MEGF11: variants seen among roughly 807,000 people sequenced by gnomAD.
MEGF11 encodes the protein multiple epidermal growth factor-like domains protein 11.
A neutral mutation model predicts 146.6 loss-of-function variants in MEGF11; 126 were observed. The observed-to-expected ratio is 0.86, with a 90% CI of 0.74 to 1.00. MEGF11 has a LOEUF of 1.00. Ranked by LOEUF, MEGF11 falls within the 50% of genes least tolerant of loss-of-function variation. The pLI, the probability that MEGF11 is intolerant of heterozygous loss-of-function variation, is 0.00. For missense variants in MEGF11, 1,509 were observed against 1,521.2 expected, an observed-to-expected ratio of 0.99 and a Z score of 0.13; for synonymous variants, 532 against 583.4, an observed-to-expected ratio of 0.91 and a Z score of 1.27.
chr15:65,983,097 G>T (rs566148752), intron 5 of MEGF11, among the ~76,000 whole-genome samples: 1 of 152,142 alleles, frequency 6.6e-6, no homozygotes, highest in East Asian at 1.9e-4. Flanking sequence ...CCATCTCCCT[G>T]TCACCCTTTT....
At chr15:65,954,398 G>A (rs1259640662) in intron 10 of MEGF11, among the ~76,000 whole-genome samples, 1 of 152,182 alleles carries the variant, frequency 6.6e-6, no homozygotes, top group Non-Finnish European at 1.5e-5. Flanking sequence ...GCTGGAGTGA[G>A]GACAAGAGTA....
chr15:66,042,761 C>A (rs1237209986), intron 5 of MEGF11, among the ~76,000 whole-genome samples: 1 of 152,324 alleles, frequency 6.6e-6, no homozygotes, highest in East Asian at 1.9e-4. Context: ...GCAGGCTCCG[C>A]TTTGGCCACC....
intron 4 of MEGF11, among the ~76,000 whole-genome samples, chr15:66,100,566 G>A (rs1365392920): frequency 1.3e-5 from 2 of 152,104 alleles, no homozygotes; most frequent in African/African-American, 4.8e-5. Flanking sequence ...TGTGAAACAT[G>A]GACAATGGTC....
intron 5 of MEGF11, among the ~76,000 whole-genome samples, chr15:66,072,573 GATACAGATTTATTAA>G (rs1310126719): frequency 1.1e-4 from 16 of 152,184 alleles, no homozygotes; most frequent in African/African-American, 3.9e-4. Flanking sequence ...GTAGGCCTCT[GATACAGATTTATTAA>G]ATAAGTGACA....
intron 1 of MEGF11, among the ~76,000 whole-genome samples, chr15:66,220,825 C>G (rs894978512): frequency 6.6e-5 from 10 of 152,116 alleles, no homozygotes; most frequent in African/African-American, 2.2e-4. Context: ...GCATGTGCTA[C>G]CATGCCCAGC....
Position 65,980,792 on chromosome 15 carries a change from G to T in MEGF11, c.748C>A (p.Pro250Thr). ...CHHITGECACPPGWTGAVCAQ... is the reference protein window; with the variant it reads ...CHHITGECACTPGWTGAVCAQ... The stretch of plus-strand genomic sequence containing the variant: ...GGCCCACTTACCGTCCAGCCTGGGG[G>T]GCAGGCACACTCGCCAGTGATGTGG... Residue 250 changes from proline to threonine, a missense_variant, in exon 7 of 26, where the codon CCC becomes ACC. Pro to Thr is a conservative substitution (Grantham distance 38). Transcript: ENST00000395614. The T allele has an allele frequency of 6.2e-7, 1 of 1,606,112 alleles. No homozygotes were observed. The highest frequency in any genetic ancestry group is 8.5e-7 in the Non-Finnish European group (1 of 1,176,546).
At chr15:66,008,104 G>T (rs1179775303) in intron 5 of MEGF11, among the ~76,000 whole-genome samples, 2 of 152,280 alleles carry the variant, frequency 1.3e-5, no homozygotes, top group African/African-American at 4.8e-5. Flanking sequence ...AGAGGCTGTT[G>T]AGGTAACAGG....
At chr15:66,014,374 T>C (rs1194718977) in intron 5 of MEGF11, among the ~76,000 whole-genome samples, 1 of 152,192 alleles carries the variant, frequency 6.6e-6, no homozygotes, top group Non-Finnish European at 1.5e-5. Context: ...TTCGATCCAG[T>C]ATACAGGAGA....
At chr15:66,124,042 G>A in intron 2 of MEGF11, 42 bp from the exon 3 acceptor site, 1 of 1,509,772 alleles carries the variant, frequency 6.6e-7, no homozygotes, top group Non-Finnish European at 9.2e-7. Context: ...TTAGCACTTG[G>A]GAAGCTGAGC....
intron 10 of MEGF11, among the ~76,000 whole-genome samples, chr15:65,956,046 C>T (rs1470170985): frequency 6.6e-6 from 1 of 152,054 alleles, no homozygotes; most frequent in African/African-American, 2.4e-5. Flanking sequence ...GCTTGATCTA[C>T]AAGAATTCCC....
rs2084549697 is a variant in MEGF11, at chr15:66,053,714, A to ATTTTTTTTTTT, written c.394+40687_394+40688insAAAAAAAAAAA. Among the ~76,000 whole-genome samples the ATTTTTTTTTTT allele has an allele frequency of 2.4e-4, 10 of 42,268 alleles. 5 individuals carry two copies. The highest frequency in any genetic ancestry group is 2.6e-4 in the Non-Finnish European group (4 of 15,512). The allele number at this position is 42,268 out of a possible 152,430, so 27.7% of individuals were successfully genotyped here. ...ACTCAGCTCCCCCTCCCCTGGCACC[A>ATTTTTTTTTTT]ATTTTTTTTTTTTTTTTTTTTTTTT... On this transcript the variant is annotated intron_variant, in intron 5 of 25. Transcript: ENST00000395614.
At chr15:66,042,528 G>GA (rs1333234526) in intron 5 of MEGF11, among the ~76,000 whole-genome samples, 1 of 151,966 alleles carries the variant, frequency 6.6e-6, no homozygotes, top group Non-Finnish European at 1.5e-5. Flanking sequence ...CACTGGGGGG[G>GA]AACATATCAG....
intron 7 of MEGF11, among the ~76,000 whole-genome samples, chr15:65,978,741 G>GA (rs1210322795): frequency 2.0e-5 from 3 of 152,084 alleles, no homozygotes; most frequent in Non-Finnish European, 2.9e-5. Context: ...GGTTCAGGGT[G>GA]GAAGAAAAGG....
chr15:65,983,860 G>A (rs1441219930), intron 5 of MEGF11, among the ~76,000 whole-genome samples: 2 of 152,196 alleles, frequency 1.3e-5, no homozygotes. Context: ...GCGTTCAAGT[G>A]TTGGGCGTGT....
At chr15:65,928,942 G>A (rs542926778) in intron 12 of MEGF11, among the ~76,000 whole-genome samples, 2 of 152,164 alleles carry the variant, frequency 1.3e-5, no homozygotes, top group South Asian at 2.1e-4. Flanking sequence ...ATTCTTTGTT[G>A]CCGGGGAAGA....
At chr15:66,082,974 C>CCCAGGCCCCCAT (rs1472330428) in intron 5 of MEGF11, among the ~76,000 whole-genome samples, 5 of 152,172 alleles carry the variant, frequency 3.3e-5, no homozygotes, top group African/African-American at 1.2e-4. Flanking sequence ...GGGGCAGGGA[C>CCCAGGCCCCCAT]CCAGGCCCCC....
chr15:66,169,254 G>T (rs2090180662), intron 1 of MEGF11, among the ~76,000 whole-genome samples: 1 of 152,224 alleles, frequency 6.6e-6, no homozygotes, highest in Admixed American at 6.5e-5. Context: ...AGGCTGCCCA[G>T]TCTGATTTCA....
chr15:65,901,570 A>G (rs1187352120), intron 24 of MEGF11, among the ~76,000 whole-genome samples: 1 of 151,956 alleles, frequency 6.6e-6, no homozygotes, highest in Non-Finnish European at 1.5e-5. Flanking sequence ...GTGTCTTGTT[A>G]TCCAGTGCTC....
intron 5 of MEGF11, among the ~76,000 whole-genome samples, chr15:66,023,870 G>T (rs1238614433): frequency 5.9e-5 from 9 of 152,216 alleles, no homozygotes. Context: ...GGCTAGACTG[G>T]CAGCCAAGGA....
Sources: allele counts gnomAD v4.1 joint callset (sites outside exome capture counted in the v4.1 genomes callset), GRCh38; gene constraint gnomAD v4.1.1; transcripts MANE v1.5; gene names NCBI Gene and HGNC (gene_info 2026-07-23, HGNC 2026-07-21).